The following TENT5A variants were observed in gnomAD, a reference collection of about 807,000 sequenced individuals.
TENT5A encodes the protein terminal nucleotidyltransferase 5A.
TENT5A carries 9 observed loss-of-function variants against 30.2 expected under a neutral mutation model. The observed-to-expected ratio is 0.30, with a 90% CI of 0.18 to 0.52. The LOEUF (loss-of-function observed/expected upper bound fraction) is 0.52, where lower values mean the gene tolerates loss of function less well. TENT5A is among the 20% of genes least tolerant of loss of function. The pLI is 0.97. For missense variants in TENT5A, 411 were observed against 566.1 expected (o/e 0.73, Z 2.78); for synonymous variants, 264 against 234.2 (o/e 1.13, Z -1.16).
Position 81,747,090 on chromosome 6 carries a change from T to G in TENT5A, c.*2605A>C, listed in dbSNP as rs2127725812. 1 of 984,452 alleles carries G rather than the reference T, an allele frequency of 1.0e-6. No homozygotes were observed. The highest frequency in any genetic ancestry group is 1.1e-4 in the East Asian group (1 of 8,796). The allele number at this position is 984,452 out of a possible 1,614,324, so 61.0% of individuals were successfully genotyped here. A position where few individuals can be genotyped will look rare whatever the true frequency, so the allele number is the denominator to read the frequency against. ...TAAGGCTCTTCCAAACAAAAATCTG[T>G]GTTATAAATTAACAGCAGGTTATTG... is the stretch of plus-strand genomic sequence containing the variant. On this transcript the variant is annotated 3_prime_UTR_variant, in exon 3 of 3. Coordinates refer to ENST00000320172, the MANE Select transcript of TENT5A (RefSeq NM_017633.3).
Position 81,750,621 on chromosome 6 carries a change from T to C in TENT5A, c.553-150A>G, listed in dbSNP as rs1019149061. 1.1e-5 allele frequency: 6 copies of C among 551,906 alleles called. No homozygotes were observed. The African/African-American group carries it at 1.2e-4, about 11-fold the overall frequency. 34.2% of individuals were successfully genotyped at this position (551,906 alleles called of 1,614,324 possible). A position where few individuals can be genotyped will look rare whatever the true frequency, so the allele number is the denominator to read the frequency against. On this transcript the variant is annotated intron_variant, in intron 2 of 2. Transcript: ENST00000320172. This position sits in a 1 kb window ranked among gnomAD's most constrained non-coding sequence, Gnocchi z 4.2. ...AAACACTACCTACAGGCTTAAACGG[T>C]CTTCTGAAAATAGAAAAAAAATACT...
Position 81,749,003 on chromosome 6 carries a change from T to C in TENT5A, c.*692A>G, listed in dbSNP as rs914717755. On this transcript the variant is annotated 3_prime_UTR_variant, in exon 3 of 3. Coordinates refer to ENST00000320172, the MANE Select transcript of TENT5A (RefSeq NM_017633.3). ...GCACACTTTCTTTGTTACAGCTGTT[T>C]TTGCTTGCATTTTTACATTTTAAAA... The C allele has an allele frequency of 3.0e-6, 3 of 985,728 alleles. No individual in the cohort carries two copies. The highest frequency in any genetic ancestry group is 3.6e-6 in the Non-Finnish European group (3 of 829,920). The allele number at this position is 985,728 out of a possible 1,614,324, so 61.1% of individuals were successfully genotyped here.
rs1242154339 is a variant in TENT5A at position 81,749,813 on chromosome 6, T to C, written c.1211A>G (p.Tyr404Cys). ...TGCTACATAGGGGGCTGGCTGGTAATAGCAAGTGACATTAGCCACATTAGG... is the reference window on the plus strand; with the variant it reads ...TGCTACATAGGGGGCTGGCTGGTAACAGCAAGTGACATTAGCCACATTAGG... ...VIPNVANVTC[Y>C]YQPAPYVADA... The change falls in exon 3 of 3, where the codon TAT (tyrosine) becomes TGT (cysteine). Residue 404 changes from tyrosine to cysteine, a missense_variant. This residue lies in a region of TENT5A where 75 missense variants were observed against 80.9 expected (regional missense o/e 0.93). Transcript: ENST00000320172. 3 of 1,614,100 alleles carry C rather than the reference T, an allele frequency of 1.9e-6. No individual in the cohort carries two copies. Among genetic ancestry groups the C allele is most frequent in the African/African-American group, 1.3e-5 (1 of 75,010 alleles).
Position 81,751,649 on chromosome 6 carries a change from G to A in TENT5A, c.493C>T (p.Leu165=). The A allele has an allele frequency of 3.1e-6, 5 of 1,614,118 alleles. No individual in the cohort carries two copies. Among genetic ancestry groups the A allele is most frequent in the Admixed American group, 1.7e-5 (1 of 60,016 alleles). The change falls in exon 2 of 3, where the codon CTG becomes TTG. Residue 165 remains leucine (L), a synonymous_variant. Coordinates refer to ENST00000320172, the MANE Select transcript of TENT5A (RefSeq NM_017633.3). The part of the protein sequence containing the change: ...QTVKDVVLDC[L]LDFLPEGVNK... Reference sequence around the variant, plus strand: ...ACCCCCTCGGGTAAGAAGTCCAACAGGCAGTCCAGCACGACGTCCTTCACA... The same window carrying A: ...ACCCCCTCGGGTAAGAAGTCCAACAAGCAGTCCAGCACGACGTCCTTCACA...
In TENT5A at chr6:81,745,736, G is replaced by T; in HGVS notation, c.*3959C>A. The T allele has an allele frequency of 1.0e-6, 1 of 985,170 alleles. No homozygotes were observed. Among genetic ancestry groups the T allele is most frequent in the Non-Finnish European group, 1.2e-6 (1 of 829,386 alleles). The allele number at this position is 985,170 out of a possible 1,614,324, so 61.0% of individuals were successfully genotyped here. ...TGTAGACAGCAAACACAAATCAATA[G>T]AAAAAAATAACTTTTTTATTTACAA... On this transcript the variant is annotated 3_prime_UTR_variant, in exon 3 of 3. Transcript: ENST00000320172.
rs35764369 is a variant in TENT5A at position 81,745,945 on chromosome 6, A to G, written c.*3750T>C. The G allele has an allele frequency of 0.032, 31,148 of 985,658 alleles. 520 individuals carry two copies. Among genetic ancestry groups the G allele is most frequent in the Admixed American group, 0.099 (1,613 of 16,280 alleles). 61.1% of individuals were successfully genotyped at this position (985,658 alleles called of 1,614,324 possible). A position where few individuals can be genotyped will look rare whatever the true frequency, so the allele number is the denominator to read the frequency against. ...AGCTTGCTGCAACAGAACACCTCAA[A>G]GCAGGCATGATTGTAGAGAGGTTGG... On this transcript the variant is annotated 3_prime_UTR_variant, in exon 3 of 3. Coordinates refer to ENST00000320172, the MANE Select transcript of TENT5A (RefSeq NM_017633.3).
In TENT5A at chr6:81,752,201, G is replaced by A. The variant is rs866126039; in HGVS notation, c.-37-23C>T. The stretch of plus-strand genomic sequence containing the variant: ...GTCCTAAAAAGAAAGGGAAAGGAGC[G>A]CGGTGAGGACGCGCGGCGGCGGAGA... On this transcript the variant is annotated intron_variant, in intron 1 of 2. Transcript: ENST00000320172. 1.9e-5 allele frequency: 28 copies of A among 1,478,674 alleles called. No homozygotes were observed. The African/African-American group carries it at 2.3e-4, about 12-fold the overall frequency. 91.6% of individuals were successfully genotyped at this position (1,478,674 alleles called of 1,614,324 possible). A position where few individuals can be genotyped will look rare whatever the true frequency, so the allele number is the denominator to read the frequency against.
Position 81,750,652 on chromosome 6 carries a change from C to T in TENT5A, c.553-181G>A, listed in dbSNP as rs1769013079. On this transcript the variant is annotated intron_variant, in intron 2 of 2. Coordinates refer to ENST00000320172, the MANE Select transcript of TENT5A (RefSeq NM_017633.3). This position sits in a 1 kb window ranked among gnomAD's most constrained non-coding sequence, Gnocchi z 4.2. ...GAAAATAGAAAAAAAATACTTTTAA[C>T]GAGTAGTTTTACTGTCTGGGAAAGG... is the stretch of plus-strand genomic sequence containing the variant. 6.6e-6 allele frequency among the ~76,000 whole-genome samples: 1 copy of T among 152,144 alleles called. No individual in the cohort carries two copies. The highest frequency in any genetic ancestry group is 1.5e-5 in the Non-Finnish European group (1 of 68,038).
chr6:81,750,105 C>T lies in TENT5A; in HGVS notation c.919G>A (p.Ala307Thr), dbSNP rs1769001175. 4 of 1,613,402 alleles carry T rather than the reference C, an allele frequency of 2.5e-6. No homozygotes were observed. The highest frequency in any genetic ancestry group is 2.2e-5 in the East Asian group (1 of 44,898). Reference protein sequence around the residue: ...CNLLVRGFRPASDEIKTLQRY... With the variant: ...CNLLVRGFRPTSDEIKTLQRY... ...TGAAGGGTCTTGATTTCATCAGAGGCGGGCCTAAAGCCCCTCACCAAGAGG... is the reference window on the plus strand; with the variant it reads ...TGAAGGGTCTTGATTTCATCAGAGGTGGGCCTAAAGCCCCTCACCAAGAGG... Residue 307 changes from alanine to threonine, a missense_variant, in exon 3 of 3, where the codon GCC becomes ACC. Ala to Thr is a moderately conservative substitution (Grantham distance 58). Around this residue, in one of 5 missense-constraint regions of TENT5A, gnomAD observed 135 missense variants for 240.0 expected, o/e 0.56. Coordinates refer to ENST00000320172, the MANE Select transcript of TENT5A (RefSeq NM_017633.3). This position sits in a 1 kb window ranked among gnomAD's most constrained non-coding sequence, Gnocchi z 4.2.
chr6:81,751,519 C>T (rs1054629957), intron 2 of TENT5A, 71 bp downstream of exon 2: 16 of 1,365,842 alleles, frequency 1.2e-5, no homozygotes, highest in Non-Finnish European at 1.6e-5. Context: ...TAACCGATGC[C>T]CCTCTGCCCG....
In TENT5A at chr6:81,750,466, A is replaced by G; in HGVS notation, c.558T>C (p.Ala186=). 6.6e-7 allele frequency: 1 copy of G among 1,519,548 alleles called. No homozygotes were observed. Among genetic ancestry groups the G allele is most frequent in the Non-Finnish European group, 8.8e-7 (1 of 1,134,118 alleles). 94.1% of individuals were successfully genotyped at this position (1,519,548 alleles called of 1,614,324 possible). ...ACACTTTAACCATTTTCTGCACATA[A>G]GCTTCCTACAATTTAAAAGATAAAA... ...EKITPLTLKE[A]YVQKMVKVCN... The change falls in exon 3 of 3, where the codon GCT becomes GCC. Residue 186 remains alanine, a synonymous_variant. Transcript: ENST00000320172. This position sits in a 1 kb window ranked among gnomAD's most constrained non-coding sequence, Gnocchi z 4.2.
At chr6:81,752,281 C>T in intron 1 of TENT5A, 103 bp from the exon 2 acceptor site, 13 of 1,503,044 alleles carry the variant, frequency 8.6e-6, no homozygotes, top group Non-Finnish European at 1.1e-5. Flanking sequence ...CCCCCTCCCC[C>T]GATAGTTCCC....
rs1398652300 is a variant in TENT5A at position 81,752,122 on chromosome 6, T to C, written c.20A>G (p.Tyr7Cys). MAEGEGYFAMSEDELAC... is the reference protein window; with the variant it reads MAEGEGCFAMSEDELAC... ...CAGCTCGTCCTCAGACATGGCGAAG[T>C]ACCCTTCACCCTCCGCCATGTAGTG... The change falls in exon 2 of 3, where the codon TAC (tyrosine) becomes TGC (cysteine). Residue 7 changes from tyrosine (Y) to cysteine (C), a missense_variant. Coordinates refer to ENST00000320172, the MANE Select transcript of TENT5A (RefSeq NM_017633.3). 1 of 1,531,574 alleles carries C rather than the reference T, an allele frequency of 6.5e-7. No individual in the cohort carries two copies. The highest frequency in any genetic ancestry group is 1.9e-5 in the Admixed American group (1 of 51,814). 94.9% of individuals were successfully genotyped at this position (1,531,574 alleles called of 1,614,324 possible). A position where few individuals can be genotyped will look rare whatever the true frequency, so the allele number is the denominator to read the frequency against.
At position 81,747,605 on chromosome 6, in the gene TENT5A, C is replaced by T. The variant is rs1240596614; in HGVS notation, c.*2090G>A. The T allele has an allele frequency of 5.1e-6, 5 of 985,552 alleles. No individual in the cohort carries two copies. In the East Asian group the frequency reaches 5.7e-4, roughly 112 times the overall value. The allele number at this position is 985,552 out of a possible 1,614,324, so 61.1% of individuals were successfully genotyped here. ...TAAACAAACAAACAAATTATACTGCCAACAGGAGGATATTTTTTTCTCCCG... is the reference window on the plus strand; with the variant it reads ...TAAACAAACAAACAAATTATACTGCTAACAGGAGGATATTTTTTTCTCCCG... On this transcript the variant is annotated 3_prime_UTR_variant, in exon 3 of 3. Transcript: ENST00000320172.
At position 81,749,897 on chromosome 6, in the gene TENT5A, T is replaced by C. The variant is rs1251750556; in HGVS notation, c.1127A>G (p.Gln376Arg). 3 of 1,614,166 alleles carry C rather than the reference T, an allele frequency of 1.9e-6. No homozygotes were observed. ...CAGCATGGTGATAAGGTTTAAAGTC[T>C]GTCTTCTTTCATGTCCCATCAGGCA... is the stretch of plus-strand genomic sequence containing the variant. The part of the protein sequence containing the change: ...TVCLMGHERR[Q>R]TLNLITMLAI... The change falls in exon 3 of 3, where the codon CAG becomes CGG. Residue 376 changes from glutamine (Q) to arginine (R), a missense_variant. Physicochemically the swap from Gln to Arg is conservative, Grantham distance 43. Transcript: ENST00000320172.
chr6:81,752,225 G>A, intron 1 of TENT5A, 47 bp from the exon 2 acceptor site: 4 of 1,254,878 alleles, frequency 3.2e-6, no homozygotes, highest in South Asian at 1.7e-5. Context: ...CGGCGGCGGA[G>A]AGCACGCGCG....
chr6:81,747,489 C>T lies in TENT5A; in HGVS notation c.*2206G>A, dbSNP rs1768910521. On this transcript the variant is annotated 3_prime_UTR_variant, in exon 3 of 3. Coordinates refer to ENST00000320172, the MANE Select transcript of TENT5A (RefSeq NM_017633.3). ...GCTGCTACAGCAAACCCATCAGGTTCCCATTAAGGCTTCAAAGAAAGATGC... is the reference window on the plus strand; with the variant it reads ...GCTGCTACAGCAAACCCATCAGGTTTCCATTAAGGCTTCAAAGAAAGATGC... The T allele has an allele frequency of 1.0e-6, 1 of 985,678 alleles. No individual in the cohort carries two copies. The highest frequency in any genetic ancestry group is 1.2e-6 in the Non-Finnish European group (1 of 829,928). 61.1% of individuals were successfully genotyped at this position (985,678 alleles called of 1,614,324 possible). A position where few individuals can be genotyped will look rare whatever the true frequency, so the allele number is the denominator to read the frequency against.
Position 81,748,016 on chromosome 6 carries a change from T to G in TENT5A, c.*1679A>C. The G allele has an allele frequency of 1.0e-6, 1 of 976,830 alleles. No homozygotes were observed. 60.5% of individuals were successfully genotyped at this position (976,830 alleles called of 1,614,324 possible). On this transcript the variant is annotated 3_prime_UTR_variant, in exon 3 of 3. Coordinates refer to ENST00000320172, the MANE Select transcript of TENT5A (RefSeq NM_017633.3). ...ACAACCAGATCAAAGATGTTTCATA[T>G]TGACATGATTTATAAAATGTTATAT...
chr6:81,745,929 C>T lies in TENT5A; in HGVS notation c.*3766G>A. On this transcript the variant is annotated 3_prime_UTR_variant, in exon 3 of 3. Transcript: ENST00000320172. Reference sequence around the variant, plus strand: ...GAGTGACCCAAGGTGCAGCTTGCTGCAACAGAACACCTCAAAGCAGGCATG... The same window carrying T: ...GAGTGACCCAAGGTGCAGCTTGCTGTAACAGAACACCTCAAAGCAGGCATG... 1.0e-6 allele frequency: 1 copy of T among 985,778 alleles called. No homozygotes were observed. Among genetic ancestry groups the T allele is most frequent in the Non-Finnish European group, 1.2e-6 (1 of 829,946 alleles). 61.1% of individuals were successfully genotyped at this position (985,778 alleles called of 1,614,324 possible).
Sources: gnomAD v4.1 joint callset for allele counts (sites outside exome capture counted in the v4.1 genomes callset) on GRCh38, gnomAD v4.1.1 for gene constraint, gnomAD v4.1.1 regional missense constraint, Gnocchi (gnomAD v3.1) non-coding constraint, MANE v1.5 for transcripts, NCBI Gene and HGNC (gene_info 2026-07-23, HGNC 2026-07-21) for gene names.